Variants in STIM2 observed in about 807,000 individuals in gnomAD.
STIM2 encodes the protein stromal interaction molecule 2.
A neutral mutation model predicts 85.8 loss-of-function variants in STIM2; 31 were observed. The ratio of observed to expected loss-of-function variants is 0.36; its 90% CI spans 0.27 to 0.49. STIM2 has a LOEUF of 0.49. STIM2 is among the 20% of genes least tolerant of loss of function. The pLI is 0.98. For synonymous variants in STIM2, 356 were observed against 331.1 expected, an observed-to-expected ratio of 1.08 and a Z score of -0.82; for missense variants, 841 against 927.6, an observed-to-expected ratio of 0.91 and a Z score of 1.21.
At chr4:26,974,186 C>A (rs1727090770) in intron 3 of STIM2, among the ~76,000 whole-genome samples, 1 of 152,100 alleles carries the variant, frequency 6.6e-6, no homozygotes, top group African/African-American at 2.4e-5. Flanking sequence ...GACTCTTTAT[C>A]CAATTTGCCA....
chr4:26,884,281 T>G (rs548568318), intron 1 of STIM2, among the ~76,000 whole-genome samples: 73 of 152,272 alleles, frequency 4.8e-4, no homozygotes, highest in African/African-American at 1.7e-3. Context: ...GCCATTTTAG[T>G]CAGGGTGAAC....
At position 27,024,580 on chromosome 4, in the gene STIM2, T is replaced by C. The variant is rs1177224061; in HGVS notation, c.*1584T>C. 6.6e-6 allele frequency: 1 copy of C among 152,242 alleles called. No individual in the cohort carries two copies. Among genetic ancestry groups the C allele is most frequent in the Non-Finnish European group, 1.5e-5 (1 of 68,040 alleles). The allele number at this position is 152,242 out of a possible 1,614,324, so 9.4% of individuals were successfully genotyped here. On this transcript the variant is annotated 3_prime_UTR_variant, in exon 12 of 12. Coordinates refer to ENST00000467087, the MANE Select transcript of STIM2 (RefSeq NM_020860.4). ...ATGTCTCCTATAAATTGTGATTGTT[T>C]ATTCTATTACTATTGTTAAAAACTT...
intron 1 of STIM2, among the ~76,000 whole-genome samples, chr4:26,886,924 G>GAGCTC (rs1462457745): frequency 1.3e-5 from 2 of 152,322 alleles, no homozygotes; most frequent in Non-Finnish European, 1.5e-5. Context: ...GAAAGTGCTA[G>GAGCTC]AGCTCCCTTG....
chr4:26,875,650 A>T (rs572632571), intron 1 of STIM2, among the ~76,000 whole-genome samples: 40 of 152,302 alleles, frequency 2.6e-4, no homozygotes, highest in African/African-American at 9.6e-4. Context: ...ATTTCTAGAC[A>T]AATGGGAGCT....
At chr4:26,952,424 C>G (rs995433770) in intron 2 of STIM2, among the ~76,000 whole-genome samples, 1 of 152,090 alleles carries the variant, frequency 6.6e-6, no homozygotes, top group Non-Finnish European at 1.5e-5. Flanking sequence ...AAAAATTCAG[C>G]TCATTATTTT....
chr4:26,974,782 C>G (rs575000857), intron 3 of STIM2, among the ~76,000 whole-genome samples: 1 of 152,200 alleles, frequency 6.6e-6, no homozygotes, highest in East Asian at 1.9e-4. Context: ...GAATGTTGGC[C>G]TGCCTTGCTA....
chr4:27,010,761 A>G (rs1728530922), intron 10 of STIM2, among the ~76,000 whole-genome samples: 1 of 152,236 alleles, frequency 6.6e-6, no homozygotes, highest in Admixed American at 6.5e-5. Flanking sequence ...TTAAGAACAA[A>G]GTAAAAGGTT....
rs140636533 is a variant in STIM2 at position 26,878,087 on chromosome 4, G to C, written c.151+16718G>C. On this transcript the variant is annotated intron_variant, in intron 1 of 11. Transcript: ENST00000467087. ...TAAATTACACTGTCTCAGATATTCT[G>C]TTATGGCTGCACAAAGGGACTAAGA... Among the ~76,000 whole-genome samples the C allele has an allele frequency of 1.3e-3, 196 of 152,298 alleles. 1 individual carries two copies. The highest frequency in any genetic ancestry group is 3.4e-3 in the Middle Eastern group (1 of 294).
Position 27,023,183 on chromosome 4 carries a change from T to C in STIM2, c.*187T>C, listed in dbSNP as rs191504300. On this transcript the variant is annotated 3_prime_UTR_variant, in exon 12 of 12. Transcript: ENST00000467087. ...CTGTCTGCTTATTTAAGTGACTATATATAATCAATTCATCAAGCCAGTTAT... is the reference window on the plus strand; with the variant it reads ...CTGTCTGCTTATTTAAGTGACTATACATAATCAATTCATCAAGCCAGTTAT... 459 of 599,772 alleles carry C rather than the reference T, an allele frequency of 7.7e-4. 5 individuals are homozygous for C. The East Asian group carries it at 0.011, about 15-fold the overall frequency. The allele number at this position is 599,772 out of a possible 1,614,324, so 37.2% of individuals were successfully genotyped here.
At position 26,860,889 on chromosome 4, in the gene STIM2, A is replaced by G; in HGVS notation, c.-330A>G. ...CGCAGCAGCAGCGCGGGTGTCGTGC[A>G]CCGCCTGAAGACGCCGTACCTTTCT... is the stretch of plus-strand genomic sequence containing the variant. On this transcript the variant is annotated 5_prime_UTR_variant, in exon 1 of 12. Coordinates refer to ENST00000467087, the MANE Select transcript of STIM2 (RefSeq NM_020860.4). The G allele has an allele frequency of 9.9e-7, 1 of 1,012,080 alleles. No homozygotes were observed. Among genetic ancestry groups the G allele is most frequent in the Non-Finnish European group, 1.2e-6 (1 of 828,306 alleles). The allele number at this position is 1,012,080 out of a possible 1,614,324, so 62.7% of individuals were successfully genotyped here.
At chr4:26,995,716 T>G (rs1727940036) in intron 4 of STIM2, among the ~76,000 whole-genome samples, 1 of 152,098 alleles carries the variant, frequency 6.6e-6, no homozygotes, top group African/African-American at 2.4e-5. Context: ...GAACATGATT[T>G]TGAGTTTCAG....
chr4:26,957,830 A>G, intron 3 of STIM2, 104 bp downstream of exon 3: 3 of 669,756 alleles, frequency 4.5e-6, no homozygotes, highest in Non-Finnish European at 7.7e-6. Context: ...AAATCAAAAT[A>G]ACATTTCTGT....
At chr4:26,906,959 T>G (rs1198849021) in intron 1 of STIM2, among the ~76,000 whole-genome samples, 1 of 113,184 alleles carries the variant, frequency 8.8e-6, no homozygotes, top group Non-Finnish European at 1.7e-5. Flanking sequence ...AGAGTGAGAC[T>G]CCGTCTCAAA....
chr4:26,912,166 A>G (rs935009693), intron 1 of STIM2, among the ~76,000 whole-genome samples: 2 of 152,242 alleles, frequency 1.3e-5, no homozygotes, highest in Non-Finnish European at 2.9e-5. Context: ...ACTTATTTAA[A>G]AAGTTCTCTC....
intron 1 of STIM2, among the ~76,000 whole-genome samples, chr4:26,879,169 A>G (rs902119089): frequency 2.0e-5 from 3 of 152,352 alleles, no homozygotes; most frequent in South Asian, 2.1e-4. Flanking sequence ...AAACTTACCT[A>G]TAATTCTAGT....
At chr4:26,920,457 T>C (rs1724755171) in intron 2 of STIM2, among the ~76,000 whole-genome samples, 1 of 152,242 alleles carries the variant, frequency 6.6e-6, no homozygotes, top group Admixed American at 6.5e-5. Flanking sequence ...TTGGCTTCTT[T>C]GAGTGTTGTC....
At chr4:27,006,867 G>A (rs947022267) in intron 7 of STIM2, among the ~76,000 whole-genome samples, 2 of 152,198 alleles carry the variant, frequency 1.3e-5, no homozygotes, top group African/African-American at 4.8e-5. Flanking sequence ...CACTTAGCTA[G>A]TTTCTGGTGT....
At chr4:27,017,635 TG>T in intron 10 of STIM2, 75 bp from the exon 11 acceptor site, 1 of 1,550,150 alleles carries the variant, frequency 6.5e-7, no homozygotes, top group Non-Finnish European at 8.8e-7. Context: ...TCAGTTCTCT[TG>T]TGTGTATGTA....
At chr4:26,891,049 C>T (rs950324056) in intron 1 of STIM2, among the ~76,000 whole-genome samples, 1 of 152,160 alleles carries the variant, frequency 6.6e-6, no homozygotes, top group Non-Finnish European at 1.5e-5. Flanking sequence ...TGTTGCAAAG[C>T]CTTTTCTTGT....
Sources: gnomAD v4.1 joint callset for allele counts (sites outside exome capture counted in the v4.1 genomes callset) on GRCh38, gnomAD v4.1.1 for gene constraint, MANE v1.5 for transcripts, NCBI Gene and HGNC (gene_info 2026-07-23, HGNC 2026-07-21) for gene names.